The following TTLL11 variants were observed in gnomAD, a reference collection of about 807,000 sequenced individuals.
TTLL11 encodes the protein tubulin tyrosine ligase like 11, also known as tubulin polyglutamylase TTLL11.
A neutral mutation model predicts 51.7 loss-of-function variants in TTLL11; 42 were observed. The observed-to-expected ratio is 0.81, with a 90% confidence interval of 0.64 to 1.05. TTLL11 has a LOEUF of 1.05. Ranked by LOEUF, TTLL11 falls within the 50% of genes least tolerant of loss-of-function variation. The pLI is 0.00. For synonymous variants in TTLL11, 381 were observed against 383.5 expected, an observed-to-expected ratio of 0.99 and a Z score of 0.08; for missense variants, 799 against 940.4, an observed-to-expected ratio of 0.85 and a Z score of 1.97.
At chr9:121,895,480 TGTTA>T (rs1230485793) in intron 6 of TTLL11, among the ~76,000 whole-genome samples, 3 of 151,306 alleles carry the variant, frequency 2.0e-5, no homozygotes, top group South Asian at 2.1e-4. Context: ...GTTGTATGAG[TGTTA>T]GTGTGTGTGG....
chr9:121,874,979 G>C (rs1838516482), intron 6 of TTLL11, among the ~76,000 whole-genome samples: 1 of 152,032 alleles, frequency 6.6e-6, no homozygotes, highest in African/African-American at 2.4e-5. Flanking sequence ...TTGTTAGCCA[G>C]GAAGCATAAA....
intron 6 of TTLL11, among the ~76,000 whole-genome samples, chr9:121,950,585 G>A (rs1167537559): frequency 7.9e-5 from 12 of 152,336 alleles, no homozygotes. Context: ...CCTTCAGAGA[G>A]CCTGGCTTCT....
At chr9:121,951,048 G>C (rs939240087) in intron 6 of TTLL11, among the ~76,000 whole-genome samples, 1 of 152,146 alleles carries the variant, frequency 6.6e-6, no homozygotes. Context: ...GCTGCCTCTG[G>C]CACACAAAGC....
chr9:121,900,981 C>A (rs1470102379), intron 6 of TTLL11, among the ~76,000 whole-genome samples: 1 of 151,952 alleles, frequency 6.6e-6, no homozygotes, highest in Non-Finnish European at 1.5e-5. Context: ...CACCATGTTG[C>A]CCAGGCTGGT....
rs1363730220 is a variant in TTLL11, at chr9:121,819,630, G to A, written c.*2957C>T. On this transcript the variant is annotated 3_prime_UTR_variant, in exon 9 of 9. Coordinates refer to ENST00000321582, the MANE Select transcript of TTLL11 (RefSeq NM_001139442.2). ...CGGGAAGGGGCAAGAGAGCGGGAGGGAGAAGACGCTGGAGATGGATCCTGA... is the reference window on the plus strand; with the variant it reads ...CGGGAAGGGGCAAGAGAGCGGGAGGAAGAAGACGCTGGAGATGGATCCTGA... Among the ~76,000 whole-genome samples the A allele has an allele frequency of 6.6e-6, 1 of 152,154 alleles. No individual in the cohort carries two copies. The highest frequency in any genetic ancestry group is 2.4e-5 in the African/African-American group (1 of 41,440).
chr9:122,013,065 A>T (rs1843860811), intron 3 of TTLL11, among the ~76,000 whole-genome samples: 1 of 152,166 alleles, frequency 6.6e-6, no homozygotes, highest in African/African-American at 2.4e-5. Flanking sequence ...CAGATAAGTA[A>T]ATGTCCACTT....
At chr9:121,885,000 T>C (rs9409238) in intron 6 of TTLL11, 31,173 of 152,158 alleles carry the variant, frequency 0.2, 3,293 homozygotes, top group Middle Eastern at 0.25. Context: ...TTTTCTGTTT[T>C]CTAGTTTGCT....
intron 1 of TTLL11, among the ~76,000 whole-genome samples, chr9:122,074,252 C>T (rs900609553): frequency 1.9e-4 from 28 of 144,546 alleles, no homozygotes; most frequent in Admixed American, 6.4e-4. Context: ...CCAGCCTGGG[C>T]GACAGAGCAA....
intron 6 of TTLL11, among the ~76,000 whole-genome samples, chr9:121,965,488 C>T (rs1297861950): frequency 6.6e-6 from 1 of 152,120 alleles, no homozygotes; most frequent in Non-Finnish European, 1.5e-5. Flanking sequence ...GGGGAAACTG[C>T]CCCCATGATC....
chr9:121,974,144 T>C lies in TTLL11; in HGVS notation c.1366-20A>G. The C allele has an allele frequency of 6.5e-7, 1 of 1,529,204 alleles. No individual in the cohort carries two copies. Among genetic ancestry groups the C allele is most frequent in the East Asian group, 2.5e-5 (1 of 40,748 alleles). 94.7% of individuals were successfully genotyped at this position (1,529,204 alleles called of 1,614,324 possible). On this transcript the variant is annotated intron_variant, in intron 5 of 8. Transcript: ENST00000321582. ...AGAAAGCTTGAACGGGTAAGGATTC[T>C]GTGTCACAGTGGAGACCGTGATTCC... is the stretch of plus-strand genomic sequence containing the variant.
At chr9:121,832,510 C>T (rs903085093) in intron 8 of TTLL11, among the ~76,000 whole-genome samples, 1 of 152,172 alleles carries the variant, frequency 6.6e-6, no homozygotes, top group Admixed American at 6.5e-5. Context: ...TTAATTTAAT[C>T]AGACAAAAAC....
chr9:121,827,448 C>A (rs192255247), intron 8 of TTLL11, among the ~76,000 whole-genome samples: 42 of 152,308 alleles, frequency 2.8e-4, no homozygotes, highest in Non-Finnish European at 1.9e-4. Context: ...AGGAACAGGG[C>A]TCGACCCCAG....
At chr9:121,879,962 G>A (rs182143130) in intron 6 of TTLL11, among the ~76,000 whole-genome samples, 3 of 151,590 alleles carry the variant, frequency 2.0e-5, no homozygotes, top group Non-Finnish European at 4.4e-5. Context: ...AAGACCCTGT[G>A]TTTAAAAAAA....
chr9:121,989,049 A>G lies in TTLL11; in HGVS notation c.1269+146T>C. 1.3e-6 allele frequency: 2 copies of G among 1,499,412 alleles called. No homozygotes were observed. The highest frequency in any genetic ancestry group is 1.8e-6 in the Non-Finnish European group (2 of 1,124,278). The allele number at this position is 1,499,412 out of a possible 1,614,324, so 92.9% of individuals were successfully genotyped here. Reference sequence around the variant, plus strand: ...AACAGAAAGCTTGGAAGTTGGGCCCAGGTTTAACACCCAAGCCCACAGCAC... The same window carrying G: ...AACAGAAAGCTTGGAAGTTGGGCCCGGGTTTAACACCCAAGCCCACAGCAC... On this transcript the variant is annotated intron_variant, in intron 4 of 8. Transcript: ENST00000321582. The surrounding 1 kb of genome is among the most constrained non-coding windows in gnomAD (Gnocchi z 4.2).
chr9:122,061,384 T>C (rs1845428697), intron 1 of TTLL11, among the ~76,000 whole-genome samples: 1 of 152,206 alleles, frequency 6.6e-6, no homozygotes, highest in Admixed American at 6.5e-5. Context: ...CCACTAGTGA[T>C]GGAATTTCAG....
At position 121,931,583 on chromosome 9, in the gene TTLL11, T is replaced by TAAAAAAAAAAA. The variant is rs1564311677; in HGVS notation, c.1481+42425_1481+42426insTTTTTTTTTTT. On this transcript the variant is annotated intron_variant, in intron 6 of 8. Transcript: ENST00000321582. ...CATGGTAAAACCCTGTTTCTACTAT[T>TAAAAAAAAAAA]TAAAAAAAAAAAAAAAAAAAAAGAA... Among the ~76,000 whole-genome samples, 77 of 103,668 alleles carry TAAAAAAAAAAA rather than the reference T, an allele frequency of 7.4e-4. 1 individual carries two copies. The highest frequency in any genetic ancestry group is 1.8e-3 in the East Asian group (7 of 3,862). The allele number at this position is 103,668 out of a possible 152,430, so 68.0% of individuals were successfully genotyped here.
chr9:121,933,160 G>A (rs1841060061), intron 6 of TTLL11, among the ~76,000 whole-genome samples: 1 of 152,132 alleles, frequency 6.6e-6, no homozygotes, highest in Admixed American at 6.5e-5. Context: ...GATCAAGGAG[G>A]GAGATAATGA....
At chr9:121,871,462 G>A (rs1425517242) in intron 6 of TTLL11, among the ~76,000 whole-genome samples, 1 of 152,078 alleles carries the variant, frequency 6.6e-6, no homozygotes, top group Non-Finnish European at 1.5e-5. Context: ...TACTCAACAG[G>A]AAAGCACAGA....
At chr9:122,069,570 T>C (rs1845676289) in intron 1 of TTLL11, among the ~76,000 whole-genome samples, 1 of 152,198 alleles carries the variant, frequency 6.6e-6, no homozygotes, top group East Asian at 1.9e-4. Context: ...TAGTCCCACC[T>C]ACTCAGGAAG....
Sources: allele counts gnomAD v4.1 joint callset (sites outside exome capture counted in the v4.1 genomes callset), GRCh38; gene constraint gnomAD v4.1.1; non-coding constraint Gnocchi (gnomAD v3.1); transcripts MANE v1.5; gene names NCBI Gene and HGNC (gene_info 2026-07-23, HGNC 2026-07-21).